ATG13: variants seen among roughly 807,000 people sequenced by gnomAD.
ATG13 encodes the protein autophagy-related protein 13.
A neutral mutation model predicts 65.5 loss-of-function variants in ATG13; 23 were observed. The ratio of observed to expected loss-of-function variants is 0.35; its 90% confidence interval spans 0.25 to 0.50. ATG13 has a LOEUF of 0.50. ATG13 is among the 20% of genes least tolerant of loss of function. The probability of loss-of-function intolerance (pLI) is 0.98; values close to 1 mark genes in which losing one functional copy is unlikely to be tolerated. For synonymous variants in ATG13, 252 were observed against 245.2 expected (o/e 1.03, Z -0.26); for missense variants, 566 against 677.0 (o/e 0.84, Z 1.82).
In ATG13 at chr11:46,668,547, A is replaced by G. The variant is rs746488204; in HGVS notation, c.1300A>G (p.Asn434Asp). The G allele has an allele frequency of 9.2e-5, 148 of 1,614,052 alleles. No individual in the cohort carries two copies. The highest frequency in any genetic ancestry group is 6.7e-5 in the East Asian group (3 of 44,894). ...ACCCTTTGCCATGTTTGCTCCCAAGAATTTGGAGCTGGAGGATACCGATCC... is the reference window on the plus strand; with the variant it reads ...ACCCTTTGCCATGTTTGCTCCCAAGGATTTGGAGCTGGAGGATACCGATCC... ...DIPFAMFAPK[N>D]LELEDTDPMV... The change falls in exon 16 of 19, where the codon AAT becomes GAT. Residue 434 changes from asparagine to aspartate, a missense_variant. Physicochemically the swap from Asn to Asp is conservative, Grantham distance 23. Around this residue, in one of 2 missense-constraint regions of ATG13, gnomAD observed 387 missense variants for 409.8 expected, o/e 0.94. Transcript: ENST00000683050.
intron 7 of ATG13, among the ~76,000 whole-genome samples, chr11:46,652,609 A>C (rs911874666): frequency 6.6e-6 from 1 of 151,882 alleles, no homozygotes; most frequent in Middle Eastern, 3.2e-3. Context: ...CCAGCTACTC[A>C]GGAGGCTGAG....
chr11:46,622,242 C>T (rs2047971702), intron 1 of ATG13, among the ~76,000 whole-genome samples: 1 of 150,774 alleles, frequency 6.6e-6, no homozygotes, highest in African/African-American at 2.4e-5. Flanking sequence ...CTCAGCCTCC[C>T]GTCTAGCTGG....
intron 4 of ATG13, 146 bp from the exon 5 acceptor site, chr11:46,645,724 G>A (rs1284396102): frequency 8.4e-7 from 1 of 1,197,010 alleles, no homozygotes; most frequent in Non-Finnish European, 1.2e-6. Context: ...TTTGATGCAG[G>A]ATTATCCCTT....
chr11:46,652,817 T>C (rs1188754664), intron 7 of ATG13, among the ~76,000 whole-genome samples: 1 of 152,210 alleles, frequency 6.6e-6, no homozygotes, highest in Non-Finnish European at 1.5e-5. Context: ...GTTAAAGGCC[T>C]TAAAGGGTAT....
At chr11:46,656,829 T>A (rs2060133821) in intron 8 of ATG13, 1 of 435,462 alleles carries the variant, frequency 2.3e-6, no homozygotes, top group Admixed American at 3.9e-5. Context: ...GAAGGTAGCT[T>A]TATCTATAAA....
intron 2 of ATG13, among the ~76,000 whole-genome samples, chr11:46,642,132 T>C (rs2056225993): frequency 6.6e-6 from 1 of 151,990 alleles, no homozygotes; most frequent in Non-Finnish European, 1.5e-5. Flanking sequence ...TCAGCTCTCC[T>C]TTTGTTTATT....
At chr11:46,645,288 C>CT in intron 3 of ATG13, 51 bp from the exon 4 acceptor site, 2 of 1,550,178 alleles carry the variant, frequency 1.3e-6, no homozygotes, top group Non-Finnish European at 1.8e-6. Flanking sequence ...CCAGATTAGT[C>CT]TAAGACTTTT....
intron 5 of ATG13, 82 bp from the exon 6 acceptor site, chr11:46,649,055 C>A: frequency 8.0e-7 from 1 of 1,244,010 alleles, no homozygotes; most frequent in Non-Finnish European, 1.1e-6. Context: ...TTATCTATAC[C>A]TTTTAATATT....
chr11:46,650,412 A>G, intron 7 of ATG13, 95 bp downstream of exon 7: 7 of 1,473,358 alleles, frequency 4.8e-6, no homozygotes, highest in Non-Finnish European at 5.5e-6. Flanking sequence ...TGTTTTGGAC[A>G]GTTGGTTGGT....
chr11:46,619,268 G>A (rs2046468043), intron 1 of ATG13, among the ~76,000 whole-genome samples: 1 of 151,024 alleles, frequency 6.6e-6, no homozygotes, highest in African/African-American at 2.4e-5. Flanking sequence ...CTAAAGTTTG[G>A]GTTTTAAATA....
Position 46,657,608 on chromosome 11 carries a change from C to T in ATG13, c.681C>T (p.His227=). The change falls in exon 10 of 19, where the codon CAC becomes CAT. Residue 227 remains histidine, a synonymous_variant. Coordinates refer to ENST00000683050, the MANE Select transcript of ATG13 (RefSeq NM_001346311.2). ...DRPYPSSSPM[H]PCNYRTAGED... is the part of the protein sequence containing the mutation. ...CCTATCCCAGCTCCTCTCCCATGCA[C>T]CCCTGCAATTACAGGTGAGGAATGT... The T allele has an allele frequency of 1.2e-6, 2 of 1,603,616 alleles. No individual in the cohort carries two copies. Among genetic ancestry groups the T allele is most frequent in the African/African-American group, 1.3e-5 (1 of 74,698 alleles).
chr11:46,652,296 G>A (rs1565540108), intron 7 of ATG13, among the ~76,000 whole-genome samples: 1 of 151,856 alleles, frequency 6.6e-6, no homozygotes, highest in African/African-American at 2.4e-5. Context: ...TGATCATTTA[G>A]GAGTGCTTTT....
rs1291709131 is a variant in ATG13, at chr11:46,672,831, C to G, written c.*499C>G. On this transcript the variant is annotated 3_prime_UTR_variant, in exon 19 of 19. Transcript: ENST00000683050. ...GGAGTCCCTTAGCTCTCTTCATTGT[C>G]CCCTTTACTTCCTGCTATCTTCTTC... is the stretch of plus-strand genomic sequence containing the variant. 1 of 1,245,360 alleles carries G rather than the reference C, an allele frequency of 8.0e-7. No homozygotes were observed. Among genetic ancestry groups the G allele is most frequent in the Non-Finnish European group, 1.0e-6 (1 of 960,260 alleles). 77.1% of individuals were successfully genotyped at this position (1,245,360 alleles called of 1,614,324 possible). A position where few individuals can be genotyped will look rare whatever the true frequency, so the allele number is the denominator to read the frequency against.
chr11:46,641,444 G>A (rs2055983833), intron 2 of ATG13, among the ~76,000 whole-genome samples: 1 of 152,166 alleles, frequency 6.6e-6, no homozygotes, highest in South Asian at 2.1e-4. Flanking sequence ...ATAAACTGCT[G>A]CTACATCCAA....
At chr11:46,642,976 C>T (rs2056523405) in intron 2 of ATG13, among the ~76,000 whole-genome samples, 1 of 152,208 alleles carries the variant, frequency 6.6e-6, no homozygotes, top group African/African-American at 2.4e-5. Flanking sequence ...TCCCAGTGAA[C>T]AGTTTGTAAC....
intron 2 of ATG13, among the ~76,000 whole-genome samples, chr11:46,643,148 C>T (rs1201282381): frequency 6.6e-6 from 1 of 152,040 alleles, no homozygotes; most frequent in Admixed American, 6.6e-5. Flanking sequence ...GTTTCCAGGC[C>T]CAAAACCAGA....
At chr11:46,648,465 A>T (rs965608385) in intron 5 of ATG13, among the ~76,000 whole-genome samples, 4 of 152,108 alleles carry the variant, frequency 2.6e-5, no homozygotes, top group African/African-American at 9.7e-5. Context: ...TAAGATGAAG[A>T]TACCCCCAAA....
intron 2 of ATG13, among the ~76,000 whole-genome samples, chr11:46,643,525 ATTG>A (rs2056727003): frequency 1.3e-5 from 2 of 150,946 alleles, no homozygotes; most frequent in Admixed American, 1.3e-4. Context: ...TTTGCTCTGT[ATTG>A]TTTATACCTC....
chr11:46,646,796 G>A lies in ATG13; in HGVS notation c.270+807G>A, dbSNP rs2057680105. On this transcript the variant is annotated intron_variant, in intron 5 of 18. Transcript: ENST00000683050. ...GTTTTTTGAGACAGGGTCTTGCTCAGTTACCCAGGCTGGAGTGCAGTGGCA... is the reference window on the plus strand; with the variant it reads ...GTTTTTTGAGACAGGGTCTTGCTCAATTACCCAGGCTGGAGTGCAGTGGCA... 2.6e-5 allele frequency among the ~76,000 whole-genome samples: 4 copies of A among 152,178 alleles called. No individual in the cohort carries two copies. The South Asian group carries it at 8.3e-4, about 32-fold the overall frequency.
Sources: allele counts gnomAD v4.1 joint callset (sites outside exome capture counted in the v4.1 genomes callset), GRCh38; gene constraint gnomAD v4.1.1; regional missense constraint gnomAD v4.1.1; transcripts MANE v1.5; gene names NCBI Gene and HGNC (gene_info 2026-07-23, HGNC 2026-07-21).